B3GALT1: variants seen among roughly 807,000 people sequenced by gnomAD.
B3GALT1 encodes UDP-Gal:betaGlcNAc beta 1,3-galactosyltransferase, polypeptide 1.
A neutral mutation model predicts 23.2 loss-of-function variants in B3GALT1; 10 were observed. The ratio of observed to expected loss-of-function variants is 0.43; its 90% CI spans 0.27 to 0.73. The LOEUF (loss-of-function observed/expected upper bound fraction) is 0.73, where lower values mean the gene tolerates loss of function less well. B3GALT1 is among the 30% of genes least tolerant of loss of function. The pLI is 0.21. For synonymous variants in B3GALT1, 156 were observed against 141.5 expected (o/e 1.10, Z -0.73); for missense variants, 299 against 405.4 (o/e 0.74, Z 2.25).
chr2:167,321,263 A>G, intron 1 of B3GALT1, among the ~76,000 whole-genome samples: 1 of 152,270 alleles, frequency 6.6e-6, no homozygotes, highest in Middle Eastern at 3.4e-3. Context: ...TAGTACTTAT[A>G]ACATTTTGAA....
rs1690361265 is a variant in B3GALT1, at chr2:167,872,085, G to A, written c.*2065G>A. 2.0e-5 allele frequency: 3 copies of A among 150,970 alleles called. No individual in the cohort carries two copies. Among genetic ancestry groups the A allele is most frequent in the African/African-American group, 7.3e-5 (3 of 41,128 alleles). The allele number at this position is 150,970 out of a possible 1,614,324, so 9.4% of individuals were successfully genotyped here. On this transcript the variant is annotated 3_prime_UTR_variant, in exon 5 of 5. Transcript: ENST00000392690. ...CCCGGCTAATTTTTTTGTATTTTTA[G>A]TAGAGACGGGGTTTCACCGTGTTAG...
chr2:167,758,565 C>T (rs1421947362), intron 3 of B3GALT1, among the ~76,000 whole-genome samples: 3 of 152,174 alleles, frequency 2.0e-5, no homozygotes, highest in African/African-American at 4.8e-5. Flanking sequence ...TCCTCTTTGA[C>T]ATTGCTGCCT....
At chr2:167,458,937 C>G (rs897660820) in intron 1 of B3GALT1, among the ~76,000 whole-genome samples, 3 of 152,114 alleles carry the variant, frequency 2.0e-5, no homozygotes, top group African/African-American at 7.2e-5. Flanking sequence ...ACCACCCCTG[C>G]TCTCTTTTGG....
intron 2 of B3GALT1, among the ~76,000 whole-genome samples, chr2:167,589,873 G>A (rs1388929759): frequency 1.3e-5 from 2 of 152,068 alleles, no homozygotes; most frequent in African/African-American, 4.8e-5. Flanking sequence ...AAGAAGCTCA[G>A]CAACAAAACT....
chr2:167,404,301 AC>A (rs1284499513), intron 1 of B3GALT1, among the ~76,000 whole-genome samples: 2 of 151,728 alleles, frequency 1.3e-5, no homozygotes, highest in Admixed American at 1.3e-4. Context: ...CCCAAACACC[AC>A]CCCCCCATTA....
rs142199114 is a variant in B3GALT1 at position 167,456,481 on chromosome 2, A to G, written c.-510-33696A>G. Among the ~76,000 whole-genome samples the G allele has an allele frequency of 8.3e-3, 1,270 of 152,314 alleles. 10 individuals are homozygous for G. The highest frequency in any genetic ancestry group is 0.018 in the South Asian group (87 of 4,826). On this transcript the variant is annotated intron_variant, in intron 1 of 4. Transcript: ENST00000392690. Reference sequence around the variant, plus strand: ...ATACCATACATATAAATCAACTGCAAGTCATTTCAAATCTGTATATCATAT... The same window carrying G: ...ATACCATACATATAAATCAACTGCAGGTCATTTCAAATCTGTATATCATAT...
intron 3 of B3GALT1, among the ~76,000 whole-genome samples, chr2:167,739,960 G>A (rs576224197): frequency 4.1e-4 from 62 of 150,652 alleles, no homozygotes; most frequent in Non-Finnish European, 6.9e-4. Flanking sequence ...AAATCTAGGC[G>A]TGGTGGTGCA....
chr2:167,822,489 G>T (rs962914109), intron 4 of B3GALT1, among the ~76,000 whole-genome samples: 1 of 152,082 alleles, frequency 6.6e-6, no homozygotes, highest in Non-Finnish European at 1.5e-5. Context: ...AGATACTCAC[G>T]GTGGAGGGTG....
Position 167,867,601 on chromosome 2 carries a change from T to C in B3GALT1, c.-229-1210T>C, listed in dbSNP as rs186803598. On this transcript the variant is annotated intron_variant, in intron 4 of 4. Transcript: ENST00000392690. The stretch of plus-strand genomic sequence containing the variant: ...GTGTATTTTTATTTCATTATGACTA[T>C]TGTGCTTAGAAGCATGATTTTCAAT... Among the ~76,000 whole-genome samples the C allele has an allele frequency of 9.1e-4, 139 of 152,322 alleles. 1 individual carries two copies. Among genetic ancestry groups the C allele is most frequent in the African/African-American group, 3.2e-3 (135 of 41,578 alleles).
chr2:167,680,006 T>C (rs1686499398), intron 3 of B3GALT1, among the ~76,000 whole-genome samples: 1 of 152,244 alleles, frequency 6.6e-6, no homozygotes. Context: ...ATGGGTTTTT[T>C]CTACTTAATA....
At chr2:167,581,180 G>T (rs1684477635) in intron 2 of B3GALT1, among the ~76,000 whole-genome samples, 1 of 152,066 alleles carries the variant, frequency 6.6e-6, no homozygotes, top group Non-Finnish European at 1.5e-5. Context: ...CAACATCATT[G>T]ATTGCATGCC....
intron 2 of B3GALT1, among the ~76,000 whole-genome samples, chr2:167,576,333 A>G (rs1287685047): frequency 1.3e-5 from 2 of 151,770 alleles, no homozygotes; most frequent in Non-Finnish European, 3.0e-5. Context: ...TATTGTATAT[A>G]GAGAAATGTC....
At chr2:167,553,875 A>G (rs1348319992) in intron 2 of B3GALT1, among the ~76,000 whole-genome samples, 2 of 152,204 alleles carry the variant, frequency 1.3e-5, no homozygotes, top group Non-Finnish European at 2.9e-5. Context: ...TTTCCCAGTG[A>G]TTAAAAAGAA....
At chr2:167,342,292 C>T (rs1217832864) in intron 1 of B3GALT1, among the ~76,000 whole-genome samples, 1 of 152,048 alleles carries the variant, frequency 6.6e-6, no homozygotes, top group Non-Finnish European at 1.5e-5. Flanking sequence ...TGGAGTTTAT[C>T]AAAAAGCAAC....
intron 3 of B3GALT1, among the ~76,000 whole-genome samples, chr2:167,786,925 T>G (rs913036729): frequency 1.3e-5 from 2 of 152,114 alleles, no homozygotes; most frequent in Admixed American, 6.5e-5. Flanking sequence ...GGTGTGTTTT[T>G]GTTTGTTTGT....
chr2:167,343,256 C>A (rs1697177123), intron 1 of B3GALT1, among the ~76,000 whole-genome samples: 1 of 152,104 alleles, frequency 6.6e-6, no homozygotes, highest in Non-Finnish European at 1.5e-5. Context: ...CCATTTATTC[C>A]AAACATGCAA....
intron 1 of B3GALT1, among the ~76,000 whole-genome samples, chr2:167,461,825 G>A (rs578218265): frequency 6.6e-5 from 10 of 152,178 alleles, no homozygotes; most frequent in East Asian, 3.9e-4. Context: ...TATATGTAAT[G>A]TAGAGAATAT....
At chr2:167,302,774 T>A (rs1187784971) in intron 1 of B3GALT1, among the ~76,000 whole-genome samples, 1 of 152,174 alleles carries the variant, frequency 6.6e-6, no homozygotes, top group Non-Finnish European at 1.5e-5. Flanking sequence ...ATTTATTAAA[T>A]ACAATTAAAG....
chr2:167,863,927 C>A (rs760115550), intron 4 of B3GALT1, among the ~76,000 whole-genome samples: 6 of 151,750 alleles, frequency 4.0e-5, no homozygotes, highest in Admixed American at 6.6e-5. Context: ...TTTGTTCTCA[C>A]GTCTGAAGAC....
Sources: gnomAD v4.1 joint callset for allele counts (sites outside exome capture counted in the v4.1 genomes callset) on GRCh38, gnomAD v4.1.1 for gene constraint, MANE v1.5 for transcripts, NCBI Gene and HGNC (gene_info 2026-07-23, HGNC 2026-07-21) for gene names.